Variants in SHANK1 observed in about 807,000 individuals in gnomAD.
The protein encoded by SHANK1 is SH3 and multiple ankyrin repeat domains 1.
In SHANK1, 35 loss-of-function variants were observed where a neutral mutation model predicts 165.6. That is an observed-to-expected ratio of 0.21 (90% CI 0.16 to 0.28). The LOEUF (loss-of-function observed/expected upper bound fraction) is 0.28. Ranked by LOEUF, SHANK1 falls within the 10% of genes least tolerant of loss-of-function variation. SHANK1 has a pLI of 1.00. For missense variants in SHANK1, 2,681 were observed against 3,036.4 expected (o/e 0.88, Z 2.75); for synonymous variants, 1,428 against 1,384.8 (o/e 1.03, Z -0.69).
chr19:50,687,742 G>C, intron 18 of SHANK1, 80 bp from the exon 19 acceptor site: 1 of 1,380,636 alleles, frequency 7.2e-7, no homozygotes, highest in Non-Finnish European at 9.7e-7. Context: ...GGCTCCCAGG[G>C]CTCAGAGAAT....
In SHANK1 at chr19:50,661,511, G is replaced by A. The variant is rs543362404; in HGVS notation, c.*454C>T. 2.0e-5 allele frequency among the ~76,000 whole-genome samples: 3 copies of A among 151,654 alleles called. No individual in the cohort carries two copies. The highest frequency in any genetic ancestry group is 4.4e-5 in the Non-Finnish European group (3 of 67,886). On this transcript the variant is annotated 3_prime_UTR_variant, in exon 24 of 24. Coordinates refer to ENST00000293441, the MANE Select transcript of SHANK1 (RefSeq NM_016148.5). ...CTGTGTGTGCTGGGGAGAGGGGAAG[G>A]GGGGAGAGCTGAGGGGCCTGGAGAG...
At chr19:50,699,027 C>T (rs1035303516) in intron 12 of SHANK1, among the ~76,000 whole-genome samples, 7 of 152,224 alleles carry the variant, frequency 4.6e-5, no homozygotes, top group Admixed American at 1.3e-4. Flanking sequence ...AAAACCCTTG[C>T]CTGGAGATGG....
chr19:50,669,017 C>A lies in SHANK1; in HGVS notation c.2943G>T (p.Gly981=). 1 of 847,624 alleles carries A rather than the reference C, an allele frequency of 1.2e-6. No homozygotes were observed. Among genetic ancestry groups the A allele is most frequent in the Non-Finnish European group, 1.8e-6 (1 of 566,118 alleles). The allele number at this position is 847,624 out of a possible 1,614,324, so 52.5% of individuals were successfully genotyped here. The change falls in exon 23 of 24, where the codon GGG becomes GGT. Residue 981 remains glycine, a synonymous_variant. Coordinates refer to ENST00000293441, the MANE Select transcript of SHANK1 (RefSeq NM_016148.5). ...TGTGGTACAGGCTCTTCTCGCGGCT[C>A]CCCACGCGAGTGTCGGGAGGGGAGG... is the stretch of plus-strand genomic sequence containing the variant. The part of the protein sequence containing the change: ...DGPSPPDTRV[G]SREKSLYHSG...
intron 15 of SHANK1, among the ~76,000 whole-genome samples, chr19:50,691,018 G>A (rs1477624488): frequency 2.6e-5 from 4 of 152,014 alleles, no homozygotes; most frequent in Admixed American, 6.6e-5. Context: ...CTAACACCAC[G>A]CATGTTCACA....
chr19:50,668,243 C>T lies in SHANK1; in HGVS notation c.3717G>A (p.Ala1239=). The T allele has an allele frequency of 6.9e-7, 1 of 1,458,236 alleles. No homozygotes were observed. Among genetic ancestry groups the T allele is most frequent in the Non-Finnish European group, 8.9e-7 (1 of 1,120,006 alleles). 90.3% of individuals were successfully genotyped at this position (1,458,236 alleles called of 1,614,324 possible). The change falls in exon 23 of 24, where the codon GCG becomes GCA. Residue 1239 remains alanine (A), a synonymous_variant. Transcript: ENST00000293441. ...TCTGCCAGCCCCCCTCCCTCCGGGCCGCCCCCACCAGGGCGGCCCCGAACT... is the reference window on the plus strand; with the variant it reads ...TCTGCCAGCCCCCCTCCCTCCGGGCTGCCCCCACCAGGGCGGCCCCGAACT... ...TSQFGAALVG[A]ARREGGWQNE... is the part of the protein sequence containing the mutation.
rs2089081960 is a variant in SHANK1 at position 50,717,283 on chromosome 19, G to A, written c.-43-321C>T. ...CCCAGAAACCGCAGAATCACCGCGG[G>A]AGCTACTGGCCCACTTTGCCAGGCC... On this transcript the variant is annotated intron_variant, in intron 1 of 23. Transcript: ENST00000293441. This position sits in a 1 kb window ranked among gnomAD's most constrained non-coding sequence, Gnocchi z 5.5. Among the ~76,000 whole-genome samples the A allele has an allele frequency of 6.6e-6, 1 of 152,202 alleles. No individual in the cohort carries two copies. The highest frequency in any genetic ancestry group is 2.1e-4 in the South Asian group (1 of 4,836).
chr19:50,715,779 G>A, intron 3 of SHANK1, 49 bp from the exon 4 acceptor site: 1 of 1,553,100 alleles, frequency 6.4e-7, no homozygotes, highest in Non-Finnish European at 8.9e-7. Flanking sequence ...CTTGGAATCA[G>A]GGGCCTGGGG....
chr19:50,693,398 GC>G (rs1986606182), intron 15 of SHANK1, among the ~76,000 whole-genome samples: 1 of 134,818 alleles, frequency 7.4e-6, no homozygotes, highest in Non-Finnish European at 1.6e-5. Flanking sequence ...CATCTTGGCT[GC>G]CCCTGCAGCA....
intron 22 of SHANK1, among the ~76,000 whole-genome samples, chr19:50,671,561 C>T (rs1985794423): frequency 6.6e-6 from 1 of 151,382 alleles, no homozygotes; most frequent in African/African-American, 2.4e-5. Flanking sequence ...CCTTATAATC[C>T]ATTATCTGTC....
At chr19:50,699,269 A>T (rs1245325267) in intron 12 of SHANK1, among the ~76,000 whole-genome samples, 1 of 152,242 alleles carries the variant, frequency 6.6e-6, no homozygotes, top group East Asian at 1.9e-4. Context: ...AGTGCCAGTC[A>T]TGAGTCAGGT....
At position 50,666,181 on chromosome 19, in the gene SHANK1, C is replaced by T. The variant is rs1480951288; in HGVS notation, c.5768+11G>A. On this transcript the variant is annotated intron_variant, in intron 23 of 23. Coordinates refer to ENST00000293441, the MANE Select transcript of SHANK1 (RefSeq NM_016148.5). ...TCTGGCCTCCCTTGTTGGCCACCAG[C>T]CCCCGCTTACCTCTGCCGCTGCAGG... 39 of 1,568,600 alleles carry T rather than the reference C, an allele frequency of 2.5e-5. No individual in the cohort carries two copies. The highest frequency in any genetic ancestry group is 3.0e-5 in the Non-Finnish European group (35 of 1,157,092).
Position 50,667,660 on chromosome 19 carries a change from G to A in SHANK1, c.4300C>T (p.Pro1434Ser), listed in dbSNP as rs763365954. The A allele has an allele frequency of 6.4e-6, 9 of 1,401,930 alleles. No homozygotes were observed. The highest frequency in any genetic ancestry group is 5.0e-4 in the Middle Eastern group (2 of 3,990). The allele number at this position is 1,401,930 out of a possible 1,614,324, so 86.8% of individuals were successfully genotyped here. ...CGCCGGGCGGCGGGCGGGCTGGCGG[G>A]AAGGGACTTCTCCTGGCTGCCCAGC... The part of the protein sequence containing the change: ...AGLGSQEKSL[P>S]ASPPAARRSL... The change falls in exon 23 of 24, where the codon CCC (proline) becomes TCC (serine). Residue 1434 changes from proline to serine, a missense_variant. Physicochemically the swap from Pro to Ser is moderately conservative, Grantham distance 74 (BLOSUM62 -1). This residue lies in a region of SHANK1 where 1,713 missense variants were observed against 1,630.2 expected (regional missense o/e 1.05). Transcript: ENST00000293441. The surrounding 1 kb of genome is among the most constrained non-coding windows in gnomAD (Gnocchi z 5.7).
At position 50,713,075 on chromosome 19, in the gene SHANK1, C is replaced by G. The variant is rs1380488070; in HGVS notation, c.792+723G>C. ...CTGGCATCTGACTGCATTAGGGGCT[C>G]TTCAGGAAAGCATCTGAGGGAGAGA... On this transcript the variant is annotated intron_variant, in intron 6 of 23. Transcript: ENST00000293441. This position sits in a 1 kb window ranked among gnomAD's most constrained non-coding sequence, Gnocchi z 6.2. Among the ~76,000 whole-genome samples the G allele has an allele frequency of 1.3e-5, 2 of 152,008 alleles. No individual in the cohort carries two copies. Among genetic ancestry groups the G allele is most frequent in the African/African-American group, 4.8e-5 (2 of 41,368 alleles).
chr19:50,703,711 A>G lies in SHANK1; in HGVS notation c.1342T>C (p.Trp448Arg). ...GCCCCCGGGGCGGAGAACACCATCC[A>G]GTCGGGCAGCGCCATGCTGGTGTCA... ...NSDTSMALPD[W>R]MVFSAPGAAS... is the part of the protein sequence containing the mutation. The change falls in exon 11 of 24, where the codon TGG becomes CGG. Residue 448 changes from tryptophan (W) to arginine (R), a missense_variant. Physicochemically the swap from Trp to Arg is moderately radical, Grantham distance 101. Around this residue, in one of 10 missense-constraint regions of SHANK1, gnomAD observed 195 missense variants for 186.2 expected, o/e 1.05. Coordinates refer to ENST00000293441, the MANE Select transcript of SHANK1 (RefSeq NM_016148.5). The G allele has an allele frequency of 1.4e-6, 2 of 1,458,490 alleles. No individual in the cohort carries two copies. Among genetic ancestry groups the G allele is most frequent in the East Asian group, 2.5e-5 (1 of 39,884 alleles). 90.3% of individuals were successfully genotyped at this position (1,458,490 alleles called of 1,614,324 possible). A position where few individuals can be genotyped will look rare whatever the true frequency, so the allele number is the denominator to read the frequency against.
In SHANK1 at chr19:50,668,641, T is replaced by C; in HGVS notation, c.3319A>G (p.Lys1107Glu). ...TTGGTCTGCTTGACCAGCGGGCCCT[T>C]GCGGCCGCGGCCCGAGCGGGCGGGC... ...YVPARSGRGRKGPLVKQTKVE... is the reference protein window; with the variant it reads ...YVPARSGRGREGPLVKQTKVE... Residue 1107 changes from lysine (K) to glutamate (E), a missense_variant, in exon 23 of 24, where the codon AAG becomes GAG. This residue lies in a region of SHANK1 where 1,713 missense variants were observed against 1,630.2 expected (regional missense o/e 1.05). Coordinates refer to ENST00000293441, the MANE Select transcript of SHANK1 (RefSeq NM_016148.5). The C allele has an allele frequency of 7.3e-7, 1 of 1,365,298 alleles. No homozygotes were observed. The highest frequency in any genetic ancestry group is 9.5e-7 in the Non-Finnish European group (1 of 1,057,732). 84.6% of individuals were successfully genotyped at this position (1,365,298 alleles called of 1,614,324 possible). A position where few individuals can be genotyped will look rare whatever the true frequency, so the allele number is the denominator to read the frequency against.
rs1286860059 is a variant in SHANK1 at position 50,670,300 on chromosome 19, C to T, written c.2675-1015G>A. On this transcript the variant is annotated intron_variant, in intron 22 of 23. Transcript: ENST00000293441. This position sits in a 1 kb window ranked among gnomAD's most constrained non-coding sequence, Gnocchi z 4.1. ...CCTCAAGTCACCCACATCCAATCCA[C>T]CAGCAAATCCTGTTGTTTCAAAACA... Among the ~76,000 whole-genome samples the T allele has an allele frequency of 1.3e-5, 2 of 152,170 alleles. No homozygotes were observed. The highest frequency in any genetic ancestry group is 2.9e-5 in the Non-Finnish European group (2 of 68,040).
Position 50,711,543 on chromosome 19 carries a change from G to A in SHANK1, c.961-56C>T, listed in dbSNP as rs1386816163. ...TCAGACCCAGGCTGTTCTCCCTCTG[G>A]GCCAAGAGTCTGTCTATGACCTGTG... On this transcript the variant is annotated intron_variant, in intron 7 of 23. Transcript: ENST00000293441. 1.1e-5 allele frequency: 14 copies of A among 1,294,426 alleles called. No individual in the cohort carries two copies. In the Admixed American group the frequency reaches 2.5e-4, roughly 24 times the overall value. The allele number at this position is 1,294,426 out of a possible 1,614,324, so 80.2% of individuals were successfully genotyped here.
chr19:50,673,509 G>T (rs1368650692), intron 21 of SHANK1, among the ~76,000 whole-genome samples: 1 of 151,946 alleles, frequency 6.6e-6, no homozygotes, highest in Non-Finnish European at 1.5e-5. Context: ...AGTTCTCCTC[G>T]GCGAGACCTT....
chr19:50,703,845 TG>T lies in SHANK1; in HGVS notation c.1223-16del. ...CTGGAAGGGCACTGAGAGGGCACAG[TG>T]GCGGCGGGGGGCAGATGTTAGGGGA... On this transcript the variant is annotated splice_polypyrimidine_tract_variant and intron_variant, in intron 10 of 23. Transcript: ENST00000293441. 1.6e-6 allele frequency: 2 copies of T among 1,268,042 alleles called. No homozygotes were observed. The highest frequency in any genetic ancestry group is 1.8e-5 in the African/African-American group (1 of 56,512). The allele number at this position is 1,268,042 out of a possible 1,614,324, so 78.5% of individuals were successfully genotyped here.
Sources: allele counts gnomAD v4.1 joint callset (sites outside exome capture counted in the v4.1 genomes callset), GRCh38; gene constraint gnomAD v4.1.1; regional missense constraint gnomAD v4.1.1; non-coding constraint Gnocchi (gnomAD v3.1); transcripts MANE v1.5; gene names NCBI Gene and HGNC (gene_info 2026-07-23, HGNC 2026-07-21).